PXMP4: variants seen among roughly 807,000 people sequenced by gnomAD.
PXMP4 encodes peroxisomal membrane protein 4, also known as 24 kDa peroxisomal intrinsic membrane protein.
Under a neutral mutation model 21.6 loss-of-function variants are expected in PXMP4, and 16 were observed. That is an observed-to-expected ratio of 0.74 (90% CI 0.50 to 1.13). PXMP4 has a LOEUF of 1.13. Among genes scored for constraint, PXMP4 ranks in the 50% most tolerant of loss-of-function variants. The pLI, the probability that PXMP4 is intolerant of heterozygous loss-of-function variation, is 0.00. For synonymous variants in PXMP4, 127 were observed against 123.8 expected, an observed-to-expected ratio of 1.03 and a Z score of -0.17; for missense variants, 240 against 277.7, an observed-to-expected ratio of 0.86 and a Z score of 0.96.
At chr20:33,719,186 G>T (rs894808578) in intron 1 of PXMP4, among the ~76,000 whole-genome samples, 2 of 152,200 alleles carry the variant, frequency 1.3e-5, no homozygotes. Flanking sequence ...GTGAGCCACC[G>T]TGGCCAGCCT....
chr20:33,714,820 T>C, intron 1 of PXMP4, 84 bp from the exon 2 acceptor site: 1 of 1,320,964 alleles, frequency 7.6e-7, no homozygotes, highest in Non-Finnish European at 1.1e-6. Context: ...CCTTGTTCTC[T>C]CCCCCCATCC....
chr20:33,713,299 A>G (rs2018350893), intron 2 of PXMP4, among the ~76,000 whole-genome samples: 1 of 152,102 alleles, frequency 6.6e-6, no homozygotes. Context: ...TCCTATCTCA[A>G]GGTCTTTGCA....
chr20:33,707,675 T>C lies in PXMP4; in HGVS notation c.*31A>G. 4 of 1,604,856 alleles carry C rather than the reference T, an allele frequency of 2.5e-6. No individual in the cohort carries two copies. Among genetic ancestry groups the C allele is most frequent in the Non-Finnish European group, 3.4e-6 (4 of 1,173,660 alleles). Reference sequence around the variant, plus strand: ...GGGAGGGTCTGCATGGGGCCAAATCTTGAGCCACAGCCAGACACCTCAGGG... The same window carrying C: ...GGGAGGGTCTGCATGGGGCCAAATCCTGAGCCACAGCCAGACACCTCAGGG... On this transcript the variant is annotated 3_prime_UTR_variant, in exon 4 of 4. Transcript: ENST00000409299.
chr20:33,720,209 G>A lies in PXMP4; in HGVS notation c.-2C>T, dbSNP rs772527910. 3 of 1,608,322 alleles carry A rather than the reference G, an allele frequency of 1.9e-6. No homozygotes were observed. The South Asian group carries it at 3.3e-5, about 18-fold the overall frequency. ...CCTTAGCTGCGGCGGGGCTGCCATA[G>A]TGCGGGCTGCGCGCAGGGTCGGGGT... On this transcript the variant is annotated 5_prime_UTR_variant, in exon 1 of 4. Coordinates refer to ENST00000409299, the MANE Select transcript of PXMP4 (RefSeq NM_007238.5).
intron 3 of PXMP4, among the ~76,000 whole-genome samples, chr20:33,710,070 ACT>A (rs1301279521): frequency 2.3e-5 from 2 of 87,766 alleles, no homozygotes; most frequent in East Asian, 3.8e-4. Flanking sequence ...CCCACTCATA[ACT>A]CTACACTGAA....
In PXMP4 at chr20:33,707,849, GC is replaced by G. The variant is rs777554766; in HGVS notation, c.495del (p.Leu166TrpfsTer21). 3.7e-6 allele frequency: 6 copies of G among 1,614,066 alleles called. No individual in the cohort carries two copies. Among genetic ancestry groups the G allele is most frequent in the South Asian group, 1.1e-5 (1 of 91,088 alleles). On this transcript the variant is annotated frameshift_variant, in exon 4 of 4. Transcript: ENST00000409299. LOFTEE classifies it high-confidence loss of function. Reference sequence around the variant, plus strand: ...TGATACTCAAAGAGCCACAGCACCAGCCCCCACACCACCGCAGTGAGCAGCG... The same window carrying G: ...TGATACTCAAAGAGCCACAGCACCAGCCCCACACCACCGCAGTGAGCAGCG... ...PFPLLTAVVW[G>X]LVLWLFEYHR...
At position 33,720,260 on chromosome 20, in the gene PXMP4, C is replaced by CGGAG. The variant is rs2018438194; in HGVS notation, c.-57_-54dup. ...TAGGAACTGTAAGCGCACTGACAGC[C>CGGAG]GGAGGTTCCAGCTGCGCGCCCACAG... On this transcript the variant is annotated 5_prime_UTR_variant, in exon 1 of 4. Coordinates refer to ENST00000409299, the MANE Select transcript of PXMP4 (RefSeq NM_007238.5). 6.6e-7 allele frequency: 1 copy of CGGAG among 1,509,344 alleles called. No individual in the cohort carries two copies. Among genetic ancestry groups the CGGAG allele is most frequent in the African/African-American group, 1.4e-5 (1 of 72,394 alleles). 93.5% of individuals were successfully genotyped at this position (1,509,344 alleles called of 1,614,324 possible).
chr20:33,713,891 A>AGATG (rs1202924024), intron 2 of PXMP4, among the ~76,000 whole-genome samples: 1 of 152,148 alleles, frequency 6.6e-6, no homozygotes, highest in Non-Finnish European at 1.5e-5. Context: ...GAGCTACGGG[A>AGATG]GATGACAGGA....
chr20:33,710,035 C>T (rs1404382309), intron 3 of PXMP4, among the ~76,000 whole-genome samples: 1 of 147,454 alleles, frequency 6.8e-6, no homozygotes, highest in Middle Eastern at 3.3e-3. Flanking sequence ...CCACTCCTAC[C>T]TCTACACTGA....
In PXMP4 at chr20:33,716,033, G is replaced by A. The variant is rs537587324; in HGVS notation, c.114-1297C>T. Among the ~76,000 whole-genome samples, 10 of 148,272 alleles carry A rather than the reference G, an allele frequency of 6.7e-5. No homozygotes were observed. The South Asian group carries it at 1.3e-3, about 19-fold the overall frequency. On this transcript the variant is annotated intron_variant, in intron 1 of 3. Coordinates refer to ENST00000409299, the MANE Select transcript of PXMP4 (RefSeq NM_007238.5). ...CTAACTTTGTATTTTTAGTAGAGAC[G>A]AGGTTTCTCCCTGTTGGTCAGGCTG... is the stretch of plus-strand genomic sequence containing the variant.
chr20:33,707,531 C>T lies in PXMP4; in HGVS notation c.*175G>A. On this transcript the variant is annotated 3_prime_UTR_variant, in exon 4 of 4. Transcript: ENST00000409299. ...CTCAGCCTGATTCGGCCACTTGTGC[C>T]ACCATACAAAGGTACCCACTGGGAT... 2.1e-6 allele frequency: 2 copies of T among 942,336 alleles called. No individual in the cohort carries two copies. Among genetic ancestry groups the T allele is most frequent in the Non-Finnish European group, 3.1e-6 (2 of 650,572 alleles). 58.4% of individuals were successfully genotyped at this position (942,336 alleles called of 1,614,324 possible). A position where few individuals can be genotyped will look rare whatever the true frequency, so the allele number is the denominator to read the frequency against.
intron 2 of PXMP4, among the ~76,000 whole-genome samples, chr20:33,711,732 C>T (rs2018327880): frequency 1.3e-5 from 2 of 152,072 alleles, no homozygotes; most frequent in African/African-American, 4.8e-5. Context: ...TGGCTCACAC[C>T]TGTCATCCCA....
At chr20:33,719,177 T>C (rs2018419852) in intron 1 of PXMP4, among the ~76,000 whole-genome samples, 1 of 152,230 alleles carries the variant, frequency 6.6e-6, no homozygotes, top group Admixed American at 6.5e-5. Context: ...ATTACAGGTG[T>C]GAGCCACCGT....
intron 2 of PXMP4, among the ~76,000 whole-genome samples, chr20:33,712,678 T>C (rs553205205): frequency 5.9e-5 from 9 of 152,384 alleles, no homozygotes; most frequent in Middle Eastern, 6.8e-3. Flanking sequence ...TGGCCCAGGC[T>C]GGAGCGCAGT....
intron 3 of PXMP4, 34 bp downstream of exon 3, chr20:33,710,521 C>G (rs756974347): frequency 7.6e-6 from 11 of 1,455,612 alleles, no homozygotes; most frequent in South Asian, 6.9e-5. Context: ...GAACCACGCC[C>G]CCTTCACTAC....
At chr20:33,708,510 C>A (rs2018288333) in intron 3 of PXMP4, among the ~76,000 whole-genome samples, 1 of 150,218 alleles carries the variant, frequency 6.7e-6, no homozygotes, top group Admixed American at 6.7e-5. Context: ...ATTTTTATTG[C>A]TTCTTTTCTT....
chr20:33,715,196 AG>A (rs2018370698), intron 1 of PXMP4, among the ~76,000 whole-genome samples: 1 of 152,210 alleles, frequency 6.6e-6, no homozygotes, highest in South Asian at 2.1e-4. Context: ...GCTGGAGTAC[AG>A]TGGTGCAATC....
At chr20:33,708,689 ATTT>A (rs535698102) in intron 3 of PXMP4, among the ~76,000 whole-genome samples, 21 of 150,798 alleles carry the variant, frequency 1.4e-4, no homozygotes, top group Admixed American at 2.6e-4. Flanking sequence ...AAATGGTAAA[ATTT>A]TTTTTTCTTT....
rs1252205293 is a variant in PXMP4, at chr20:33,703,579, G to A, written c.*4127C>T. The A allele has an allele frequency of 6.6e-6, 1 of 152,344 alleles. No individual in the cohort carries two copies. Among genetic ancestry groups the A allele is most frequent in the Non-Finnish European group, 1.5e-5 (1 of 68,112 alleles). 9.4% of individuals were successfully genotyped at this position (152,344 alleles called of 1,614,324 possible). ...TAAGACAAGGGTTTGAGTGCAAGTG[G>A]TTCATATGGGAAGTGGTCCCAGGAA... On this transcript the variant is annotated 3_prime_UTR_variant, in exon 4 of 4. Transcript: ENST00000409299.
Sources: allele counts gnomAD v4.1 joint callset (sites outside exome capture counted in the v4.1 genomes callset), GRCh38; gene constraint gnomAD v4.1.1; transcripts MANE v1.5; gene names NCBI Gene and HGNC (gene_info 2026-07-23, HGNC 2026-07-21).